Variants in ACTR1B observed in about 807,000 individuals in gnomAD.
The protein encoded by ACTR1B is actin related protein 1B.
Under a neutral mutation model 49.4 loss-of-function variants are expected in ACTR1B, and 34 were observed. The observed-to-expected ratio is 0.69, with a 90% CI of 0.52 to 0.92. The LOEUF is 0.92. ACTR1B is among the 40% of genes least tolerant of loss of function. ACTR1B has a pLI of 0.00. For synonymous variants in ACTR1B, 207 were observed against 207.8 expected (o/e 1.00, Z 0.03); for missense variants, 471 against 522.4 (o/e 0.90, Z 0.96).
Position 97,659,430 on chromosome 2 carries a change from C to T in ACTR1B, c.237G>A (p.Val79=), listed in dbSNP as rs566460144. Residue 79 remains valine, a synonymous_variant, in exon 4 of 11, where the codon GTG becomes GTA. Transcript: ENST00000289228. The surrounding 1 kb of genome is among the most constrained non-coding windows in gnomAD (Gnocchi z 4.0). ...GTTCCATGTCGTTCCAGTCTCGCAC[C>T]ACGCCGTGCTCCATGGGGTAGCGGA... ...LTIRYPMEHG[V]VRDWNDMERI... is the part of the protein sequence containing the mutation. The T allele has an allele frequency of 2.5e-6, 4 of 1,614,008 alleles. No homozygotes were observed. Among genetic ancestry groups the T allele is most frequent in the Admixed American group, 1.7e-5 (1 of 60,024 alleles).
chr2:97,657,613 C>A, intron 8 of ACTR1B, 104 bp from the exon 9 acceptor site: 4 of 1,197,418 alleles, frequency 3.3e-6, no homozygotes, highest in Non-Finnish European at 5.0e-6. Flanking sequence ...GGTCCTCTAT[C>A]AGCAGCTCTT....
At chr2:97,661,540 T>G (rs1371574402) in intron 2 of ACTR1B, among the ~76,000 whole-genome samples, 1 of 152,196 alleles carries the variant, frequency 6.6e-6, no homozygotes, top group Admixed American at 6.5e-5. Context: ...TGGCTGTGCA[T>G]CTAATTCCTC....
rs1199402487 is a variant in ACTR1B at position 97,659,370 on chromosome 2, C to T, written c.297G>A (p.Leu99=). 1.2e-6 allele frequency: 2 copies of T among 1,613,956 alleles called. No homozygotes were observed. Among genetic ancestry groups the T allele is most frequent in the African/African-American group, 1.3e-5 (1 of 74,916 alleles). ...GCCACACCTCCTCCGAGAAGGTCTG[C>T]AGCTGATCCTTGGAGTAGACGTACT... The part of the protein sequence containing the change: ...IWQYVYSKDQ[L]QTFSEEHPVL... Residue 99 remains leucine, a synonymous_variant, in exon 4 of 11, where the codon CTG becomes CTA. Transcript: ENST00000289228. The surrounding 1 kb of genome is among the most constrained non-coding windows in gnomAD (Gnocchi z 4.0).
At position 97,659,733 on chromosome 2, in the gene ACTR1B, G is replaced by A. The variant is rs540292610; in HGVS notation, c.190-256C>T. 5 of 547,682 alleles carry A rather than the reference G, an allele frequency of 9.1e-6. No homozygotes were observed. The highest frequency in any genetic ancestry group is 3.2e-5 in the Admixed American group (1 of 31,294). The allele number at this position is 547,682 out of a possible 1,614,324, so 33.9% of individuals were successfully genotyped here. On this transcript the variant is annotated intron_variant, in intron 3 of 10. Transcript: ENST00000289228. The surrounding 1 kb of genome is among the most constrained non-coding windows in gnomAD (Gnocchi z 4.0). ...ATCAGAGAGGGTGGCAGTGTGCCCC[G>A]CAATCTGCAGGCTCTCTTCTTCCCC...
chr2:97,658,476 A>C lies in ACTR1B; in HGVS notation c.608T>G (p.Val203Gly). 1 of 1,613,818 alleles carries C rather than the reference A, an allele frequency of 6.2e-7. No individual in the cohort carries two copies. Residue 203 changes from valine to glycine, a missense_variant, in exon 6 of 11, where the codon GTT (valine) becomes GGT (glycine). Coordinates refer to ENST00000289228, the MANE Select transcript of ACTR1B (RefSeq NM_005735.4). The surrounding 1 kb of genome is among the most constrained non-coding windows in gnomAD (Gnocchi z 5.9). ...YLRLLLRKEG[V>G]DFHTSAEFEV... is the part of the protein sequence containing the mutation. ...AAACTCAGCCGAGGTATGGAAGTCA[A>C]CCCCTTCCTTGCGCAGCAGGAGTCG...
At chr2:97,662,381 A>G (rs1675038993) in intron 1 of ACTR1B, among the ~76,000 whole-genome samples, 2 of 151,924 alleles carry the variant, frequency 1.3e-5, no homozygotes, top group Non-Finnish European at 1.5e-5. Context: ...CCCAAAAGCT[A>G]GAAGAAACCC....
At chr2:97,663,785 C>T (rs1675101133) in intron 1 of ACTR1B, 58 bp downstream of exon 1, 12 of 1,221,770 alleles carry the variant, frequency 9.8e-6, no homozygotes, top group Non-Finnish European at 1.2e-5. Flanking sequence ...CTCCCTGCGC[C>T]GCCGCGTGCG....
intron 3 of ACTR1B, 74 bp downstream of exon 3, chr2:97,660,497 G>C: frequency 6.8e-7 from 1 of 1,478,838 alleles, no homozygotes; most frequent in Non-Finnish European, 9.4e-7. Flanking sequence ...CACCAGCAGA[G>C]GCCCAAGAAC....
In ACTR1B at chr2:97,658,878, C is replaced by T. The variant is rs749447926; in HGVS notation, c.440+1G>A. Reference sequence around the variant, plus strand: ...GGAGGCCAGGCTTAGGGAGCACTCACAGACTGAGCACAGCCTGCATGGAGA... The same window carrying T: ...GGAGGCCAGGCTTAGGGAGCACTCATAGACTGAGCACAGCCTGCATGGAGA... On this transcript the variant is annotated splice_donor_variant, in intron 5 of 10. Transcript: ENST00000289228. LOFTEE classifies it high-confidence loss of function. The surrounding 1 kb of genome is among the most constrained non-coding windows in gnomAD (Gnocchi z 5.9). The T allele has an allele frequency of 1.2e-6, 2 of 1,614,066 alleles. No individual in the cohort carries two copies. Among genetic ancestry groups the T allele is most frequent in the South Asian group, 2.2e-5 (2 of 91,076 alleles).
chr2:97,659,829 C>G lies in ACTR1B; in HGVS notation c.190-352G>C. ...AGCTCCCCTCTGGCCAGCGCCGGCA[C>G]CTTGCAGCCGCCCAACACGGCCCCT... On this transcript the variant is annotated intron_variant, in intron 3 of 10. Transcript: ENST00000289228. This position sits in a 1 kb window ranked among gnomAD's most constrained non-coding sequence, Gnocchi z 4.0. 1 of 347,566 alleles carries G rather than the reference C, an allele frequency of 2.9e-6. No homozygotes were observed. The highest frequency in any genetic ancestry group is 5.4e-6 in the Non-Finnish European group (1 of 186,786). 21.5% of individuals were successfully genotyped at this position (347,566 alleles called of 1,614,324 possible). A position where few individuals can be genotyped will look rare whatever the true frequency, so the allele number is the denominator to read the frequency against.
At chr2:97,657,359 G>T in intron 9 of ACTR1B, 89 bp downstream of exon 9, 2 of 1,512,210 alleles carry the variant, frequency 1.3e-6, no homozygotes, top group South Asian at 1.1e-5. Flanking sequence ...GTGAGCTGGT[G>T]AGCGGGTCTG....
intron 1 of ACTR1B, among the ~76,000 whole-genome samples, chr2:97,662,543 GACT>G (rs1462157664): frequency 6.6e-6 from 1 of 151,990 alleles, no homozygotes; most frequent in Admixed American, 6.6e-5. Flanking sequence ...GCTTCCCAGA[GACT>G]ACTAGGAGAA....
At chr2:97,660,476 A>C in intron 3 of ACTR1B, 95 bp downstream of exon 3, 10 of 1,222,740 alleles carry the variant, frequency 8.2e-6, no homozygotes, top group Non-Finnish European at 1.2e-5. Context: ...TGGAGGAGGT[A>C]CCCGGGAGGT....
chr2:97,657,864 T>C (rs1674884512), intron 8 of ACTR1B, 79 bp downstream of exon 8: 1 of 1,506,912 alleles, frequency 6.6e-7, no homozygotes, highest in Non-Finnish European at 9.0e-7. Flanking sequence ...AGAATATGGC[T>C]CTGGGTAGGG....
rs1036436259 is a variant in ACTR1B at position 97,659,554 on chromosome 2, T to C, written c.190-77A>G. 67 of 350,804 alleles carry C rather than the reference T, an allele frequency of 1.9e-4. No individual in the cohort carries two copies. The highest frequency in any genetic ancestry group is 1.2e-3 in the African/African-American group (59 of 48,252). The allele number at this position is 350,804 out of a possible 1,614,324, so 21.7% of individuals were successfully genotyped here. On this transcript the variant is annotated intron_variant, in intron 3 of 10. Transcript: ENST00000289228. The surrounding 1 kb of genome is among the most constrained non-coding windows in gnomAD (Gnocchi z 4.0). ...TTTCCGCCCTCCTGGAAGCTGACCC[T>C]CACCTGCCCTGACCAGAACCTCACC...
Position 97,658,471 on chromosome 2 carries a change from A to G in ACTR1B, c.613T>C (p.Phe205Leu). 1.2e-6 allele frequency: 2 copies of G among 1,614,146 alleles called. No individual in the cohort carries two copies. The highest frequency in any genetic ancestry group is 1.7e-6 in the Non-Finnish European group (2 of 1,180,012). ...ACCTCAAACTCAGCCGAGGTATGGA[A>G]GTCAACCCCTTCCTTGCGCAGCAGG... ...RLLLRKEGVD[F>L]HTSAEFEVVR... The change falls in exon 6 of 11, where the codon TTC becomes CTC. Residue 205 changes from phenylalanine (F) to leucine (L), a missense_variant. By Grantham distance (22) the Phe-to-Leu change is conservative. Transcript: ENST00000289228. The surrounding 1 kb of genome is among the most constrained non-coding windows in gnomAD (Gnocchi z 5.9).
At chr2:97,660,788 CT>C (rs1222763703) in intron 2 of ACTR1B, 142 bp from the exon 3 acceptor site, 24 of 800,642 alleles carry the variant, frequency 3.0e-5, no homozygotes, top group Non-Finnish European at 4.6e-5. Context: ...CAGGTTGGAA[CT>C]GGGGCCTATG....
rs1401061562 is a variant in ACTR1B, at chr2:97,659,720, G to A, written c.190-243C>T. The A allele has an allele frequency of 7.0e-6, 4 of 575,192 alleles. No homozygotes were observed. The highest frequency in any genetic ancestry group is 1.2e-5 in the Non-Finnish European group (4 of 325,238). 35.6% of individuals were successfully genotyped at this position (575,192 alleles called of 1,614,324 possible). On this transcript the variant is annotated intron_variant, in intron 3 of 10. Coordinates refer to ENST00000289228, the MANE Select transcript of ACTR1B (RefSeq NM_005735.4). This position sits in a 1 kb window ranked among gnomAD's most constrained non-coding sequence, Gnocchi z 4.0. ...TTCAGCTGGGGGGATCAGAGAGGGT[G>A]GCAGTGTGCCCCGCAATCTGCAGGC...
In ACTR1B at chr2:97,658,442, G is replaced by A. The variant is rs141360477; in HGVS notation, c.642C>T (p.Val214=). The change falls in exon 6 of 11, where the codon GTC becomes GTT. Residue 214 remains valine, a synonymous_variant. Transcript: ENST00000289228. This position sits in a 1 kb window ranked among gnomAD's most constrained non-coding sequence, Gnocchi z 5.9. ...DFHTSAEFEV[V]RTIKERACYL... ...CCCTTGTCACCTCTTTGATTGTCCG[G>A]ACAACCTCAAACTCAGCCGAGGTAT... 1,019 of 1,613,940 alleles carry A rather than the reference G, an allele frequency of 6.3e-4. No homozygotes were observed. Among genetic ancestry groups the A allele is most frequent in the Non-Finnish European group, 7.1e-4 (839 of 1,180,006 alleles).
Sources: allele counts gnomAD v4.1 joint callset (sites outside exome capture counted in the v4.1 genomes callset), GRCh38; gene constraint gnomAD v4.1.1; non-coding constraint Gnocchi (gnomAD v3.1); transcripts MANE v1.5; gene names NCBI Gene and HGNC (gene_info 2026-07-23, HGNC 2026-07-21).